Variants in RPS4Y1 observed in about 807,000 individuals in gnomAD.
The protein encoded by RPS4Y1 is small ribosomal subunit protein eS4, Y isoform 1.
For missense variants in RPS4Y1, 30 were observed against 60.9 expected (o/e 0.49, Z 1.69); for synonymous variants, 23 against 20.8 (o/e 1.10, Z -0.28).
At chrY:2,843,666 A>C (rs2051150906) in intron 2 of RPS4Y1, among the ~76,000 whole-genome samples, 1 of 33,609 alleles carries the variant, frequency 3.0e-5, no homozygotes, top group Non-Finnish European at 7.4e-5. Flanking sequence ...CTTGTGTGGA[A>C]CTTTGAAGCC....
intron 4 of RPS4Y1, among the ~76,000 whole-genome samples, chrY:2,853,432 C>T (rs2051157519): frequency 3.0e-5 from 1 of 33,540 alleles, no homozygotes; most frequent in South Asian, 6.7e-4. Context: ...AGCTTTTTCT[C>T]CCAACAAAGC....
At chrY:2,860,107 A>G in intron 5 of RPS4Y1, among the ~76,000 whole-genome samples, 1 of 33,312 alleles carries the variant, frequency 3.0e-5, no homozygotes, top group Non-Finnish European at 7.4e-5. Context: ...GAAAATAAAA[A>G]TATTTTACCC....
At chrY:2,842,116 T>C (rs2051149128) in intron 1 of RPS4Y1, 49 bp from the exon 2 acceptor site, 1 of 368,475 alleles carries the variant, frequency 2.7e-6, no homozygotes, top group Non-Finnish European at 3.9e-6. Context: ...GATGAGGGCA[T>C]TTCACTGTCA....
intron 5 of RPS4Y1, among the ~76,000 whole-genome samples, chrY:2,860,564 T>C (rs2051162839): frequency 3.0e-5 from 1 of 33,582 alleles, no homozygotes. Context: ...CTGACCACCT[T>C]GGTTACATGT....
chrY:2,865,500 C>CT (rs2051166879), intron 6 of RPS4Y1, among the ~76,000 whole-genome samples: 2 of 33,194 alleles, frequency 6.0e-5, no homozygotes, highest in Non-Finnish European at 1.5e-4. Context: ...AGCCTTGCAA[C>CT]TTTTGCAGGG....
intron 4 of RPS4Y1, among the ~76,000 whole-genome samples, chrY:2,848,080 CCAAA>C (rs2051153849): frequency 2.4e-4 from 8 of 32,756 alleles, no homozygotes; most frequent in Middle Eastern, 0.014. Context: ...GAGTAACCAA[CCAAA>C]CAGAGACTTG....
intron 5 of RPS4Y1, among the ~76,000 whole-genome samples, chrY:2,864,608 G>A (rs2051165866): frequency 6.0e-5 from 2 of 33,206 alleles, no homozygotes; most frequent in Non-Finnish European, 1.5e-4. Context: ...TTCCTCCAGG[G>A]GTCCCCTGAG....
At position 2,866,209 on chromosome Y, in the gene RPS4Y1, C is replaced by T. The variant is rs72617605; in HGVS notation, c.691-584C>T. Among the ~76,000 whole-genome samples, 171 of 34,436 alleles carry T rather than the reference C, an allele frequency of 5.0e-3. No individual in the cohort carries two copies. In the East Asian group the frequency reaches 0.12, roughly 24 times the overall value. The allele number at this position is 34,436 out of a possible 37,273, so 92.4% of individuals were successfully genotyped here. On this transcript the variant is annotated intron_variant, in intron 6 of 6. Coordinates refer to ENST00000250784, the MANE Select transcript of RPS4Y1 (RefSeq NM_001008.4). ...CTGAAAAGCTTTTCATCAAGCTATT[C>T]AGCCCCGGGAGCAGCATCTTTCACT...
intron 6 of RPS4Y1, among the ~76,000 whole-genome samples, chrY:2,865,611 C>T: frequency 3.0e-5 from 1 of 33,546 alleles, no homozygotes; most frequent in African/African-American, 1.2e-4. Context: ...CCCTCTGAGA[C>T]TCCATCTTAC....
intron 2 of RPS4Y1, among the ~76,000 whole-genome samples, chrY:2,842,617 G>C (rs928145510): frequency 3.0e-5 from 1 of 32,890 alleles, no homozygotes; most frequent in African/African-American, 1.2e-4. Flanking sequence ...GTTTTAGAGG[G>C]TGGAGTAGCT....
intron 5 of RPS4Y1, among the ~76,000 whole-genome samples, chrY:2,855,896 A>T: frequency 2.9e-5 from 1 of 33,908 alleles, no homozygotes; most frequent in Admixed American, 2.6e-4. Flanking sequence ...AAAAATGTAT[A>T]TATTGGAACA....
At position 2,854,629 on chromosome Y, in the gene RPS4Y1, T is replaced by A; in HGVS notation, c.390T>A (p.Thr130=). The change falls in exon 5 of 7, where the codon ACT becomes ACA. Residue 130 remains threonine (T), a synonymous_variant. Coordinates refer to ENST00000250784, the MANE Select transcript of RPS4Y1 (RefSeq NM_001008.4). ...AGTTGTGCAAAGTGAGGAAGATTAC[T>A]GTGGGAGTGAAGGGAATCCCTCACC... is the stretch of plus-strand genomic sequence containing the variant. The part of the protein sequence containing the change: ...KYKLCKVRKI[T]VGVKGIPHLV... 5.0e-6 allele frequency: 2 copies of A among 397,096 alleles called. No homozygotes were observed. The highest frequency in any genetic ancestry group is 7.1e-6 in the Non-Finnish European group (2 of 281,913).
chrY:2,841,667 C>T, intron 1 of RPS4Y1, 40 bp downstream of exon 1: 1 of 382,787 alleles, frequency 2.6e-6, no homozygotes, highest in Non-Finnish European at 3.7e-6. Flanking sequence ...TATCTGCCTC[C>T]ATCATTTGAA....
At chrY:2,859,992 G>A (rs529576036) in intron 5 of RPS4Y1, among the ~76,000 whole-genome samples, 18 of 32,654 alleles carry the variant, frequency 5.5e-4, no homozygotes, top group African/African-American at 2.2e-3. Flanking sequence ...GGAGAGTTAC[G>A]CCCTACAAAT....
chrY:2,857,576 C>T lies in RPS4Y1; in HGVS notation c.532+2805C>T, dbSNP rs572065528. On this transcript the variant is annotated intron_variant, in intron 5 of 6. Transcript: ENST00000250784. The stretch of plus-strand genomic sequence containing the variant: ...GATTTCTGGCACCCATCACCACACT[C>T]AGCTGATTTTTGTATTTTTAGTAGA... 6.8e-3 allele frequency among the ~76,000 whole-genome samples: 227 copies of T among 33,462 alleles called. No homozygotes were observed. The South Asian group carries it at 0.15, about 22-fold the overall frequency. The allele number at this position is 33,462 out of a possible 37,273, so 89.8% of individuals were successfully genotyped here. A position where few individuals can be genotyped will look rare whatever the true frequency, so the allele number is the denominator to read the frequency against.
At chrY:2,856,784 C>G in intron 5 of RPS4Y1, among the ~76,000 whole-genome samples, 1 of 32,983 alleles carries the variant, frequency 3.0e-5, no homozygotes, top group South Asian at 6.9e-4. Context: ...CTCAGGTGAT[C>G]CACCTGCATC....
chrY:2,854,409 A>G, intron 4 of RPS4Y1, 191 bp from the exon 5 acceptor site: 1 of 139,070 alleles, frequency 7.2e-6, no homozygotes, highest in African/African-American at 8.6e-5. Flanking sequence ...AAGGTTTCCC[A>G]AATGTCTAAA....
chrY:2,842,233 G>A lies in RPS4Y1; in HGVS notation c.72G>A (p.Thr24=). 2 of 396,432 alleles carry A rather than the reference G, an allele frequency of 5.0e-6. No individual in the cohort carries two copies. Among genetic ancestry groups the A allele is most frequent in the African/African-American group, 6.2e-5 (1 of 16,074 alleles). Residue 24 remains threonine (T), a synonymous_variant, in exon 2 of 7, where the codon ACG becomes ACA. Transcript: ENST00000250784. ...APKHWMLDKL[T]GVFAPRPSTG... ...AGCATTGGATGCTTGACAAACTAAC[G>A]GGTGTATTTGTGAGTATAACTTTGT...
At chrY:2,862,040 C>T in intron 5 of RPS4Y1, among the ~76,000 whole-genome samples, 11 of 30,978 alleles carry the variant, frequency 3.6e-4, no homozygotes, top group Admixed American at 3.2e-3. Context: ...GCATGAGCCA[C>T]CGTGCCTGGC....
Sources: gnomAD v4.1 joint callset for allele counts (sites outside exome capture counted in the v4.1 genomes callset) on GRCh38, gnomAD v4.1.1 for gene constraint, MANE v1.5 for transcripts, NCBI Gene and HGNC (gene_info 2026-07-23, HGNC 2026-07-21) for gene names.